EFHB: variants seen among roughly 807,000 people sequenced by gnomAD.
EFHB encodes EF-hand domain-containing family member B.
In EFHB, 91 loss-of-function variants were observed where a neutral mutation model predicts 87.2. That is an observed-to-expected ratio of 1.04 (90% CI 0.88 to 1.24). The LOEUF (loss-of-function observed/expected upper bound fraction) is 1.24, where lower values mean the gene tolerates loss of function less well. EFHB is among the 50% of genes most tolerant of loss of function. The probability of loss-of-function intolerance (pLI) is 0.00; values close to 1 mark genes in which losing one functional copy is unlikely to be tolerated. For missense variants in EFHB, 1,084 were observed against 998.8 expected (o/e 1.09, Z -1.15); for synonymous variants, 325 against 333.6 (o/e 0.97, Z 0.28).
upstream of EFHB, among the ~76,000 whole-genome samples, chr3:19,936,677 G>A (rs1696029621): frequency 6.6e-6 from 1 of 152,078 alleles, no homozygotes; most frequent in Non-Finnish European, 1.5e-5. Context: ...AGACCAGCCT[G>A]ACCAACATGG....
At position 19,892,889 on chromosome 3, in the gene EFHB, T is replaced by G. The variant is rs112029576; in HGVS notation, c.1725+3798A>C. Among the ~76,000 whole-genome samples the G allele has an allele frequency of 2.0e-3, 290 of 147,904 alleles. 4 individuals are homozygous for G. The highest frequency in any genetic ancestry group is 6.7e-3 in the African/African-American group (264 of 39,500). ...AATAAAATAAAATAAAATAAAATAA[T>G]ATAAAATCAGTATGTTCCATCCCAG... On this transcript the variant is annotated intron_variant, in intron 9 of 12. Coordinates refer to ENST00000295824, the MANE Select transcript of EFHB (RefSeq NM_144715.4).
intron 3 of EFHB, 68 bp downstream of exon 3, chr3:19,919,765 A>G: frequency 6.8e-7 from 1 of 1,473,114 alleles, no homozygotes; most frequent in East Asian, 2.3e-5. Context: ...AATTTCACTA[A>G]TACCTGATTT....
At chr3:19,943,562 G>GA (rs1341232743) in intron 1 of EFHB, among the ~76,000 whole-genome samples, 24 of 151,662 alleles carry the variant, frequency 1.6e-4, no homozygotes, top group East Asian at 9.7e-4. Context: ...GTTAAAAAAT[G>GA]AAAAAAACAC....
chr3:19,941,060 C>T (rs1696146623), intron 1 of EFHB: 2 of 359,010 alleles, frequency 5.6e-6, no homozygotes, highest in East Asian at 6.0e-5. Context: ...GCTTGGACAG[C>T]TGCACCATAA....
chr3:19,937,905 C>A (rs984236160), upstream of EFHB, among the ~76,000 whole-genome samples: 1 of 152,144 alleles, frequency 6.6e-6, no homozygotes, highest in Non-Finnish European at 1.5e-5. Flanking sequence ...CTGTCTCCTC[C>A]TCCCCTGAAG....
rs1694616596 is a variant in EFHB at position 19,899,985 on chromosome 3, A to G, written c.1419-470T>C. Among the ~76,000 whole-genome samples, 3 of 152,292 alleles carry G rather than the reference A, an allele frequency of 2.0e-5. No individual in the cohort carries two copies. In the South Asian group the frequency reaches 6.2e-4, roughly 32 times the overall value. ...CTACTCGAGAGGCTGAGCTAGGAAGATCGCTTGAGACTGGGAGGCTGAGGT... is the reference window on the plus strand; with the variant it reads ...CTACTCGAGAGGCTGAGCTAGGAAGGTCGCTTGAGACTGGGAGGCTGAGGT... On this transcript the variant is annotated intron_variant, in intron 6 of 12. Transcript: ENST00000295824.
At chr3:19,881,362 C>T (rs1377470599) in intron 12 of EFHB, among the ~76,000 whole-genome samples, 2 of 152,152 alleles carry the variant, frequency 1.3e-5, no homozygotes, top group African/African-American at 2.4e-5. Context: ...ATCTATCCAT[C>T]CTCAAGTCAA....
chr3:19,925,427 A>G (rs1033248386), intron 1 of EFHB, among the ~76,000 whole-genome samples: 1 of 152,144 alleles, frequency 6.6e-6, no homozygotes, highest in Non-Finnish European at 1.5e-5. Context: ...CCAACACAAC[A>G]GGATTCATTC....
At chr3:19,886,533 A>G (rs1011349256) in intron 10 of EFHB, among the ~76,000 whole-genome samples, 17 of 152,064 alleles carry the variant, frequency 1.1e-4, no homozygotes, top group African/African-American at 3.9e-4. Flanking sequence ...CCCTCAAGCC[A>G]GGAGTTCACA....
chr3:19,913,300 C>A, intron 5 of EFHB, among the ~76,000 whole-genome samples: 1 of 152,070 alleles, frequency 6.6e-6, no homozygotes, highest in Non-Finnish European at 1.5e-5. Context: ...TTTAGAAAAA[C>A]CTAAAGACTC....
chr3:19,945,072 G>T (rs1450683358), intron 1 of EFHB, among the ~76,000 whole-genome samples: 1 of 152,224 alleles, frequency 6.6e-6, no homozygotes, highest in Non-Finnish European at 1.5e-5. Context: ...TGCAGATGCG[G>T]TCCAAAGGAA....
chr3:19,879,942 G>T, intron 12 of EFHB, 138 bp from the exon 13 acceptor site: 1 of 676,972 alleles, frequency 1.5e-6, no homozygotes, highest in Non-Finnish European at 2.3e-6. Flanking sequence ...ATGTATTTGT[G>T]TGTGTGCATG....
intron 6 of EFHB, among the ~76,000 whole-genome samples, chr3:19,901,237 C>T (rs971925396): frequency 2.6e-5 from 4 of 152,140 alleles, no homozygotes; most frequent in African/African-American, 4.8e-5. Flanking sequence ...TTAAAGTGAA[C>T]AGGATTATGA....
intron 1 of EFHB, among the ~76,000 whole-genome samples, chr3:19,921,825 T>C (rs1258916050): frequency 2.0e-5 from 3 of 152,140 alleles, no homozygotes; most frequent in Non-Finnish European, 4.4e-5. Context: ...TACCAGGGAA[T>C]ATTGTCTCTC....
chr3:19,914,228 C>A (rs115772866), intron 5 of EFHB, among the ~76,000 whole-genome samples: 2,489 of 152,224 alleles, frequency 0.016, 44 homozygotes, highest in South Asian at 0.1. Flanking sequence ...CGCACCCAGA[C>A]CAAAGTTCTT....
At chr3:19,902,337 T>C (rs1473501313) in intron 6 of EFHB, among the ~76,000 whole-genome samples, 1 of 151,866 alleles carries the variant, frequency 6.6e-6, no homozygotes, top group Non-Finnish European at 1.5e-5. Context: ...ATAGAGATCG[T>C]TTTTGTTTGT....
At chr3:19,936,873 TAATAAATA>T (rs71634883), upstream of EFHB, among the ~76,000 whole-genome samples, 27,380 of 136,482 alleles carry the variant, frequency 0.2, 2,878 homozygotes, top group Non-Finnish European at 0.25. Flanking sequence ...CATCTCAAAA[TAATAAATA>T]AATAAATAAA....
At chr3:19,946,558 T>C (rs926268164) in intron 1 of EFHB, among the ~76,000 whole-genome samples, 1 of 152,160 alleles carries the variant, frequency 6.6e-6, no homozygotes, top group Admixed American at 6.5e-5. Context: ...GACTTCTTAT[T>C]GTCAGGCGCC....
chr3:19,912,909 A>G (rs1695110358), intron 5 of EFHB, among the ~76,000 whole-genome samples: 1 of 152,216 alleles, frequency 6.6e-6, no homozygotes, highest in Non-Finnish European at 1.5e-5. Flanking sequence ...TATCATATCA[A>G]CAGAATGAAG....
Sources: allele counts gnomAD v4.1 joint callset (sites outside exome capture counted in the v4.1 genomes callset), GRCh38; gene constraint gnomAD v4.1.1; transcripts MANE v1.5; gene names NCBI Gene and HGNC (gene_info 2026-07-23, HGNC 2026-07-21).